The following SPSB4 variants were observed in gnomAD, a reference collection of about 807,000 sequenced individuals.
The protein encoded by SPSB4 is SPRY domain-containing SOCS box protein 4.
In SPSB4, 21 loss-of-function variants were observed where a neutral mutation model predicts 20.9. The ratio of observed to expected loss-of-function variants is 1.01; its 90% confidence interval spans 0.71 to 1.45. The LOEUF (loss-of-function observed/expected upper bound fraction) is 1.45, where lower values mean the gene tolerates loss of function less well. Among genes scored for constraint, SPSB4 ranks in the 40% most tolerant of loss-of-function variants. SPSB4 has a pLI of 0.00. For missense variants in SPSB4, 399 were observed against 399.2 expected (o/e 1.00, Z 0.00); for synonymous variants, 207 against 183.8 (o/e 1.13, Z -1.02).
intron 2 of SPSB4, among the ~76,000 whole-genome samples, chr3:141,101,943 CCTT>C (rs958649957): frequency 6.6e-6 from 1 of 152,232 alleles, no homozygotes; most frequent in African/African-American, 2.4e-5. Context: ...AGGCAGTACT[CCTT>C]CTCAAGGGCC....
At chr3:141,058,197 G>A (rs561471789) in intron 1 of SPSB4, among the ~76,000 whole-genome samples, 1 of 152,326 alleles carries the variant, frequency 6.6e-6, no homozygotes, top group Admixed American at 6.5e-5. Context: ...TTGGGTCCCA[G>A]GCCTCTGAAG....
intron 1 of SPSB4, among the ~76,000 whole-genome samples, chr3:141,052,745 G>A (rs1936117538): frequency 6.6e-6 from 1 of 152,182 alleles, no homozygotes; most frequent in Non-Finnish European, 1.5e-5. Flanking sequence ...GGAAGGGAGG[G>A]GGTTGGGAGC....
chr3:141,057,375 CAG>C (rs1386185103), intron 1 of SPSB4, among the ~76,000 whole-genome samples: 1 of 152,220 alleles, frequency 6.6e-6, no homozygotes, highest in African/African-American at 2.4e-5. Flanking sequence ...TACCTTTGCA[CAG>C]AGTCAAAAAT....
chr3:141,103,493 G>A (rs1938644198), intron 2 of SPSB4, among the ~76,000 whole-genome samples: 1 of 152,214 alleles, frequency 6.6e-6, no homozygotes, highest in African/African-American at 2.4e-5. Flanking sequence ...AGACTCAGTT[G>A]GTGCCTGGGA....
intron 1 of SPSB4, among the ~76,000 whole-genome samples, chr3:141,055,403 G>A (rs1174025337): frequency 1.3e-5 from 2 of 152,152 alleles, no homozygotes; most frequent in African/African-American, 4.8e-5. Flanking sequence ...GAGGTGGGCC[G>A]TGATGACAGA....
intron 1 of SPSB4, among the ~76,000 whole-genome samples, chr3:141,052,428 G>A (rs1936110312): frequency 6.6e-6 from 1 of 152,178 alleles, no homozygotes. Context: ...CATGTGCTGG[G>A]CACACAGGAA....
chr3:141,066,876 T>A (rs1259239891), intron 2 of SPSB4, 78 bp downstream of exon 2: 5 of 1,383,034 alleles, frequency 3.6e-6, no homozygotes, highest in Non-Finnish European at 4.8e-6. Context: ...CACACCTCCA[T>A]CGCCACTTGG....
intron 2 of SPSB4, among the ~76,000 whole-genome samples, chr3:141,082,562 G>A (rs1938253689): frequency 1.3e-5 from 2 of 152,252 alleles, no homozygotes; most frequent in Middle Eastern, 3.4e-3. Flanking sequence ...CAATATAGGC[G>A]GTGAAGAAAA....
chr3:141,075,199 G>A (rs1938083200), intron 2 of SPSB4, among the ~76,000 whole-genome samples: 1 of 152,144 alleles, frequency 6.6e-6, no homozygotes, highest in African/African-American at 2.4e-5. Flanking sequence ...TAGGGCCAGG[G>A]GTGATGCTGA....
chr3:141,075,042 G>A (rs1351344347), intron 2 of SPSB4, among the ~76,000 whole-genome samples: 1 of 151,856 alleles, frequency 6.6e-6, no homozygotes, highest in Non-Finnish European at 1.5e-5. Context: ...CCAGGTAGTG[G>A]CAGAACCTGA....
intron 1 of SPSB4, among the ~76,000 whole-genome samples, chr3:141,054,543 G>A (rs1391336240): frequency 1.3e-5 from 2 of 152,220 alleles, no homozygotes; most frequent in African/African-American, 4.8e-5. Flanking sequence ...TGGGTGGTGT[G>A]CCCTTTGGGA....
chr3:141,110,304 A>T (rs1345117842), intron 2 of SPSB4, among the ~76,000 whole-genome samples: 1 of 152,232 alleles, frequency 6.6e-6, no homozygotes, highest in African/African-American at 2.4e-5. Flanking sequence ...TTAACATCTC[A>T]TAGGTTAACT....
At chr3:141,099,726 C>T (rs1057344118) in intron 2 of SPSB4, among the ~76,000 whole-genome samples, 2 of 152,084 alleles carry the variant, frequency 1.3e-5, no homozygotes, top group Non-Finnish European at 2.9e-5. Flanking sequence ...TGAGCTTGTA[C>T]GTTAGTCTTG....
At chr3:141,121,893 G>A (rs984023144) in intron 2 of SPSB4, among the ~76,000 whole-genome samples, 3 of 152,114 alleles carry the variant, frequency 2.0e-5, no homozygotes, top group Non-Finnish European at 4.4e-5. Flanking sequence ...TGTTATTACC[G>A]ACCTTCTGAA....
At chr3:141,061,738 CTTT>C (rs71151410) in intron 1 of SPSB4, among the ~76,000 whole-genome samples, 9 of 94,854 alleles carry the variant, frequency 9.5e-5, no homozygotes, top group Admixed American at 3.3e-4. Flanking sequence ...TTCTTTCTTT[CTTT>C]TTTTTTTTTT....
intron 2 of SPSB4, among the ~76,000 whole-genome samples, chr3:141,071,386 C>T (rs544010429): frequency 2.0e-5 from 3 of 152,036 alleles, no homozygotes; most frequent in Non-Finnish European, 4.4e-5. Context: ...AGACAAGAGG[C>T]CTTGGGGTCC....
At chr3:141,088,452 C>T (rs1938391539) in intron 2 of SPSB4, among the ~76,000 whole-genome samples, 1 of 152,252 alleles carries the variant, frequency 6.6e-6, no homozygotes, top group Admixed American at 6.5e-5. Context: ...ATCCCCACTT[C>T]CTAGCAGACT....
At chr3:141,144,233 CAG>C (rs1349278049) in intron 2 of SPSB4, among the ~76,000 whole-genome samples, 1 of 152,190 alleles carries the variant, frequency 6.6e-6, no homozygotes, top group Non-Finnish European at 1.5e-5. Context: ...TGGTATGTGG[CAG>C]AGTCATATTA....
At chr3:141,134,772 T>C (rs985780071) in intron 2 of SPSB4, among the ~76,000 whole-genome samples, 1 of 152,162 alleles carries the variant, frequency 6.6e-6, no homozygotes, top group Admixed American at 6.5e-5. Context: ...TATTGGTCTG[T>C]AGTTTTCGTT....
Sources: allele counts gnomAD v4.1 joint callset (sites outside exome capture counted in the v4.1 genomes callset), GRCh38; gene constraint gnomAD v4.1.1; transcripts MANE v1.5; gene names NCBI Gene and HGNC (gene_info 2026-07-23, HGNC 2026-07-21).